Variants in MAP3K13 observed in about 807,000 individuals in gnomAD.
MAP3K13 encodes leucine zipper-bearing kinase.
MAP3K13 carries 52 observed loss-of-function variants against 104.0 expected under a neutral mutation model. The observed-to-expected ratio is 0.50, with a 90% confidence interval of 0.40 to 0.63. The LOEUF (loss-of-function observed/expected upper bound fraction) is 0.63. Ranked by LOEUF, MAP3K13 falls within the 20% of genes least tolerant of loss-of-function variation. The pLI, the probability that MAP3K13 is intolerant of heterozygous loss-of-function variation, is 0.00. For missense variants in MAP3K13, 914 were observed against 1,218.5 expected, an observed-to-expected ratio of 0.75 and a Z score of 3.72; for synonymous variants, 394 against 442.2, an observed-to-expected ratio of 0.89 and a Z score of 1.37.
At chr3:185,292,741 A>G in intron 2 of MAP3K13, 2 of 985,388 alleles carry the variant, frequency 2.0e-6, no homozygotes, top group Non-Finnish European at 2.4e-6. Context: ...CAACAAGGCT[A>G]TGTTAAATTT....
intron 3 of MAP3K13, among the ~76,000 whole-genome samples, chr3:185,438,381 AGATACATAT>A (rs1715157340): frequency 6.6e-6 from 1 of 152,188 alleles, no homozygotes; most frequent in Non-Finnish European, 1.5e-5. Flanking sequence ...CTTGTGTAGT[AGATACATAT>A]TTTGTATTAG....
At chr3:185,365,377 A>G (rs1723821346) in intron 1 of MAP3K13, among the ~76,000 whole-genome samples, 1 of 152,228 alleles carries the variant, frequency 6.6e-6, no homozygotes, top group Non-Finnish European at 1.5e-5. Context: ...AAACAAAGTC[A>G]GTCAAACCAG....
At chr3:185,335,795 T>C (rs568262438) in intron 2 of MAP3K13, among the ~76,000 whole-genome samples, 25 of 152,134 alleles carry the variant, frequency 1.6e-4, no homozygotes, top group Non-Finnish European at 3.4e-4. Flanking sequence ...ACAGATGCAA[T>C]TTTTTCCCCA....
intron 2 of MAP3K13, among the ~76,000 whole-genome samples, chr3:185,335,409 C>T (rs1472584431): frequency 6.6e-6 from 1 of 152,178 alleles, no homozygotes; most frequent in African/African-American, 2.4e-5. Context: ...TGTGATTACA[C>T]CCCATCCCCT....
chr3:185,480,086 A>C, intron 12 of MAP3K13, 146 bp from the exon 13 acceptor site: 1 of 755,548 alleles, frequency 1.3e-6, no homozygotes, highest in East Asian at 2.5e-5. Flanking sequence ...TTAAAAGTTA[A>C]ATAGTTTCTA....
intron 11 of MAP3K13, among the ~76,000 whole-genome samples, chr3:185,476,160 C>T (rs964139986): frequency 6.6e-6 from 1 of 151,970 alleles, no homozygotes; most frequent in Non-Finnish European, 1.5e-5. Flanking sequence ...ATCTTTGAAC[C>T]TTTCTCATGC....
chr3:185,420,929 C>A (rs1050571981), intron 1 of MAP3K13, among the ~76,000 whole-genome samples: 3 of 152,140 alleles, frequency 2.0e-5, no homozygotes, highest in Non-Finnish European at 4.4e-5. Context: ...AGTGCCCTGC[C>A]AAATGCACAG....
In MAP3K13 at chr3:185,378,199, G is replaced by A. The variant is rs571638030; in HGVS notation, c.-86+14831G>A. Among the ~76,000 whole-genome samples the A allele has an allele frequency of 1.2e-4, 18 of 152,250 alleles. No homozygotes were observed. In the South Asian group the frequency reaches 3.3e-3, roughly 28 times the overall value. ...GAGGTTAATTAAGTCCTGTTGTGGG[G>A]TTTCATAATTTTTGGAGCTTTATTT... On this transcript the variant is annotated intron_variant, in intron 1 of 13. Coordinates refer to ENST00000265026, the MANE Select transcript of MAP3K13 (RefSeq NM_004721.5).
At chr3:185,395,056 G>T (rs1381710863) in intron 1 of MAP3K13, among the ~76,000 whole-genome samples, 1 of 151,854 alleles carries the variant, frequency 6.6e-6, no homozygotes. Context: ...TTTGAACGTG[G>T]GATATATTTA....
chr3:185,421,099 A>G (rs1393780856), intron 1 of MAP3K13, among the ~76,000 whole-genome samples: 1 of 152,212 alleles, frequency 6.6e-6, no homozygotes, highest in Non-Finnish European at 1.5e-5. Flanking sequence ...GGGCGGCAGT[A>G]GCATCACCTC....
chr3:185,340,856 T>C (rs1406843024), intron 2 of MAP3K13, among the ~76,000 whole-genome samples: 1 of 152,144 alleles, frequency 6.6e-6, no homozygotes, highest in Non-Finnish European at 1.5e-5. Context: ...ACCATGATTG[T>C]AAGTTTCCTG....
chr3:185,371,857 G>A (rs1326422996), intron 1 of MAP3K13, among the ~76,000 whole-genome samples: 2 of 152,158 alleles, frequency 1.3e-5, no homozygotes, highest in African/African-American at 4.8e-5. Context: ...TGCAAAATAA[G>A]CCCACTAAGG....
chr3:185,470,189 A>G (rs1342515597), intron 10 of MAP3K13, among the ~76,000 whole-genome samples: 1 of 152,228 alleles, frequency 6.6e-6, no homozygotes, highest in Non-Finnish European at 1.5e-5. Context: ...GTCTGGGCCC[A>G]TCACCTGTAA....
chr3:185,369,280 A>G (rs1440566029), intron 1 of MAP3K13, among the ~76,000 whole-genome samples: 1 of 152,216 alleles, frequency 6.6e-6, no homozygotes, highest in Non-Finnish European at 1.5e-5. Context: ...TTATGTGCGG[A>G]TATTGATTCC....
intron 2 of MAP3K13, among the ~76,000 whole-genome samples, chr3:185,295,293 C>T (rs1412468118): frequency 6.6e-6 from 1 of 152,154 alleles, no homozygotes; most frequent in Non-Finnish European, 1.5e-5. Flanking sequence ...GCAACCTCCG[C>T]CTCCCAGGTT....
At position 185,418,900 on chromosome 3, in the gene MAP3K13, T is replaced by A. The variant is rs1329488699; in HGVS notation, c.-85-9597T>A. ...TTAATCATGATCATTCTGCCTTTTC[T>A]AGAATCAAATGTGAATCTCATTAGT... On this transcript the variant is annotated intron_variant, in intron 1 of 13. Coordinates refer to ENST00000265026, the MANE Select transcript of MAP3K13 (RefSeq NM_004721.5). This position sits in a 1 kb window ranked among gnomAD's most constrained non-coding sequence, Gnocchi z 4.5. 13 of 1,080,984 alleles carry A rather than the reference T, an allele frequency of 1.2e-5. No homozygotes were observed. Among genetic ancestry groups the A allele is most frequent in the Non-Finnish European group, 1.7e-5 (13 of 769,942 alleles). 67.0% of individuals were successfully genotyped at this position (1,080,984 alleles called of 1,614,324 possible).
chr3:185,287,850 C>T (rs1172882437), intron 2 of MAP3K13, among the ~76,000 whole-genome samples: 1 of 152,000 alleles, frequency 6.6e-6, no homozygotes, highest in East Asian at 1.9e-4. Flanking sequence ...AGCCTGACAA[C>T]CATGGAGAAA....
At chr3:185,456,185 G>C (rs188340085) in intron 7 of MAP3K13, among the ~76,000 whole-genome samples, 26 of 152,044 alleles carry the variant, frequency 1.7e-4, no homozygotes, top group African/African-American at 6.3e-4. Flanking sequence ...TGATAAATCA[G>C]AGACTCCTGT....
At position 185,315,142 on chromosome 3, in the gene MAP3K13, C is replaced by G. The variant is rs1721632057; in HGVS notation, c.-86+29499C>G. Among the ~76,000 whole-genome samples, 1 of 151,888 alleles carries G rather than the reference C, an allele frequency of 6.6e-6. No individual in the cohort carries two copies. Reference sequence around the variant, plus strand: ...GCATGCACTTGTAATCCCAGCTAATCGTGAGGCTGAGGCAGGAGAATTGCT... The same window carrying G: ...GCATGCACTTGTAATCCCAGCTAATGGTGAGGCTGAGGCAGGAGAATTGCT... On this transcript the variant is annotated intron_variant, in intron 2 of 14. Coordinates refer to the MAP3K13 transcript ENST00000424227. The surrounding 1 kb of genome is among the most constrained non-coding windows in gnomAD (Gnocchi z 4.3).
Sources: allele counts gnomAD v4.1 joint callset (sites outside exome capture counted in the v4.1 genomes callset), GRCh38; gene constraint gnomAD v4.1.1; non-coding constraint Gnocchi (gnomAD v3.1); transcripts MANE v1.5; gene names NCBI Gene and HGNC (gene_info 2026-07-23, HGNC 2026-07-21).